The following RGS5 variants were observed in gnomAD, a reference collection of about 807,000 sequenced individuals.
RGS5 encodes regulator of G protein signaling 5, also known as regulator of G-protein signalling 5.
A neutral mutation model predicts 18.9 loss-of-function variants in RGS5; 20 were observed. The ratio of observed to expected loss-of-function variants is 1.06; its 90% CI spans 0.74 to 1.54. The LOEUF is 1.54. RGS5 is among the 40% of genes most tolerant of loss of function. RGS5 has a pLI of 0.00. For synonymous variants in RGS5, 57 were observed against 76.2 expected, an observed-to-expected ratio of 0.75 and a Z score of 1.31; for missense variants, 201 against 211.8, an observed-to-expected ratio of 0.95 and a Z score of 0.32.
Position 163,294,301 on chromosome 1 carries a change from C to G in RGS5, c.-281+11932G>C, listed in dbSNP as rs192248406. Among the ~76,000 whole-genome samples, 191 of 152,346 alleles carry G rather than the reference C, an allele frequency of 1.3e-3. 1 individual carries two copies. The highest frequency in any genetic ancestry group is 3.1e-3 in the Admixed American group (47 of 15,310). On this transcript the variant is annotated intron_variant, in intron 2 of 5. Transcript: ENST00000618415. ...ACATCCTTTGAAATCTAGGCAGAGGCTCCCAAAGCTCAGCTCTTGTCTTCT... is the reference window on the plus strand; with the variant it reads ...ACATCCTTTGAAATCTAGGCAGAGGGTCCCAAAGCTCAGCTCTTGTCTTCT...
chr1:163,182,517 A>G (rs1026296074), intron 1 of RGS5, among the ~76,000 whole-genome samples: 2 of 152,192 alleles, frequency 1.3e-5, no homozygotes, highest in African/African-American at 2.4e-5. Context: ...CTGACATGCT[A>G]TCCCTCAGAG....
intron 1 of RGS5, among the ~76,000 whole-genome samples, chr1:163,210,156 A>AT (rs35823395): frequency 0.17 from 24,837 of 149,200 alleles, 2,102 homozygotes; most frequent in Non-Finnish European, 0.18. Context: ...CGCCCAACTA[A>AT]TTTTTTTTTT....
At chr1:163,181,036 TTA>T (rs1658822881) in intron 1 of RGS5, among the ~76,000 whole-genome samples, 1 of 152,070 alleles carries the variant, frequency 6.6e-6, no homozygotes, top group African/African-American at 2.4e-5. Flanking sequence ...TTCTCCATCC[TTA>T]TAGTTTTGTT....
In RGS5 at chr1:163,285,696, G is replaced by T. The variant is rs369844762; in HGVS notation, c.-281+20537C>A. Among the ~76,000 whole-genome samples the T allele has an allele frequency of 2.6e-5, 4 of 152,196 alleles. No individual in the cohort carries two copies. The East Asian group carries it at 7.7e-4, about 29-fold the overall frequency. On this transcript the variant is annotated intron_variant, in intron 2 of 5. Transcript: ENST00000618415. ...CTGGTGGGAGGTGATTGAATCAGGG[G>T]AGCGAACTTAATCCTTGCTGTTCTC...
At chr1:163,295,223 G>A (rs1649393317) in intron 2 of RGS5, among the ~76,000 whole-genome samples, 1 of 152,102 alleles carries the variant, frequency 6.6e-6, no homozygotes, top group South Asian at 2.1e-4. Flanking sequence ...CCAATTAACT[G>A]TATTAGTCTG....
intron 1 of RGS5, among the ~76,000 whole-genome samples, chr1:163,208,518 TAAAA>T (rs55700806): frequency 6.9e-5 from 1 of 14,464 alleles, no homozygotes; most frequent in African/African-American, 2.7e-4. Context: ...CCACCTCCAT[TAAAA>T]AAAAAAAAAA....
chr1:163,220,434 A>G (rs1404351855), upstream of RGS5, among the ~76,000 whole-genome samples: 1 of 152,164 alleles, frequency 6.6e-6, no homozygotes, highest in Non-Finnish European at 1.5e-5. Context: ...GCACTTAGTC[A>G]TCATATTTTA....
At chr1:163,252,415 A>G (rs1035257561) in intron 2 of RGS5, among the ~76,000 whole-genome samples, 4 of 152,332 alleles carry the variant, frequency 2.6e-5, no homozygotes, top group Admixed American at 6.5e-5. Context: ...TTTGTGGAGC[A>G]AAAGTCTTTA....
At chr1:163,309,634 G>A (rs1012181370) in intron 1 of RGS5, among the ~76,000 whole-genome samples, 1 of 152,004 alleles carries the variant, frequency 6.6e-6, no homozygotes, top group African/African-American at 2.4e-5. Flanking sequence ...ATCTTCAGGT[G>A]CTTCCTCCAC....
At chr1:163,217,710 G>A, upstream of RGS5, 7 of 1,361,590 alleles carry the variant, frequency 5.1e-6, no homozygotes, top group East Asian at 2.6e-5. Context: ...TTGGAACCTT[G>A]ATGACATTGT....
intron 2 of RGS5, among the ~76,000 whole-genome samples, chr1:163,279,411 T>C (rs3010365): frequency 0.94 from 142,232 of 152,040 alleles, 66,966 homozygotes; most frequent in South Asian, 1. Flanking sequence ...AAAATATGCT[T>C]CTGAACAACA....
At chr1:163,160,835 T>A (rs1245292253) in intron 3 of RGS5, among the ~76,000 whole-genome samples, 1 of 152,182 alleles carries the variant, frequency 6.6e-6, no homozygotes. Context: ...TATTTTAAAT[T>A]GACTCATACT....
chr1:163,210,422 T>G (rs564178415), intron 1 of RGS5, among the ~76,000 whole-genome samples: 80 of 152,364 alleles, frequency 5.3e-4, no homozygotes, highest in African/African-American at 1.9e-3. Flanking sequence ...CTTGTTCTAG[T>G]TTTATGGATA....
rs779826661 is a variant in RGS5 at position 163,152,605 on chromosome 1, G to A, written c.329C>T (p.Ala110Val). 1.2e-6 allele frequency: 2 copies of A among 1,612,736 alleles called. No homozygotes were observed. The highest frequency in any genetic ancestry group is 1.7e-6 in the Non-Finnish European group (2 of 1,179,274). The change falls in exon 4 of 5, where the codon GCT (alanine) becomes GTT (valine). Residue 110 changes from alanine (A) to valine (V), a missense_variant. Transcript: ENST00000313961. ...TTCATAAATTTGCTTTGCCTTCTCA[G>A]CCATCTTGGCAGGGGACTTGATCTT... ...YKKIKSPAKM[A>V]EKAKQIYEEF...
chr1:163,217,058 G>A (rs1001048112), intron 1 of RGS5, among the ~76,000 whole-genome samples: 2 of 152,042 alleles, frequency 1.3e-5, no homozygotes, highest in African/African-American at 4.8e-5. Context: ...ACAAAGAGGG[G>A]AACAACAGAC....
chr1:163,158,745 A>T (rs972894254), intron 3 of RGS5, among the ~76,000 whole-genome samples: 7 of 152,200 alleles, frequency 4.6e-5, no homozygotes, highest in Admixed American at 6.5e-5. Context: ...TGAAATTAAA[A>T]TTGCTAATGA....
intron 2 of RGS5, among the ~76,000 whole-genome samples, chr1:163,271,081 T>G (rs2101711878): frequency 6.6e-6 from 1 of 152,298 alleles, no homozygotes; most frequent in African/African-American, 2.4e-5. Context: ...TGCCTCCAAA[T>G]TTTCCTAAAG....
chr1:163,308,393 T>C (rs1265621622), intron 1 of RGS5, among the ~76,000 whole-genome samples: 1 of 152,190 alleles, frequency 6.6e-6, no homozygotes, highest in African/African-American at 2.4e-5. Flanking sequence ...TGACACAGGA[T>C]GGACAATGTT....
At chr1:163,308,274 G>A (rs1649760318) in intron 1 of RGS5, among the ~76,000 whole-genome samples, 2 of 152,126 alleles carry the variant, frequency 1.3e-5, no homozygotes, top group Admixed American at 1.3e-4. Flanking sequence ...AAAATAGAAT[G>A]AAAATAACCC....
Sources: gnomAD v4.1 joint callset for allele counts (sites outside exome capture counted in the v4.1 genomes callset) on GRCh38, gnomAD v4.1.1 for gene constraint, MANE v1.5 for transcripts, NCBI Gene and HGNC (gene_info 2026-07-23, HGNC 2026-07-21) for gene names.